NRXN1: variants seen among roughly 807,000 people sequenced by gnomAD.
The protein encoded by NRXN1 is neurexin 1.
Under a neutral mutation model 150.9 loss-of-function variants are expected in NRXN1, and 39 were observed. That is an observed-to-expected ratio of 0.26 (90% CI 0.20 to 0.34). The LOEUF (loss-of-function observed/expected upper bound fraction) is 0.34. NRXN1 is among the 10% of genes least tolerant of loss of function. The probability of loss-of-function intolerance (pLI) is 1.00; values close to 1 mark genes in which losing one functional copy is unlikely to be tolerated. For missense variants in NRXN1, 1,815 were observed against 1,949.9 expected (o/e 0.93, Z 1.30); for synonymous variants, 924 against 757.0 (o/e 1.22, Z -3.62).
intron 18 of NRXN1, among the ~76,000 whole-genome samples, chr2:50,119,303 C>T (rs912978092): frequency 9.9e-5 from 15 of 151,960 alleles, no homozygotes; most frequent in African/African-American, 3.4e-4. Flanking sequence ...AATTTATTCA[C>T]TTTCTTATGG....
chr2:50,771,766 G>A (rs565457730), intron 5 of NRXN1, among the ~76,000 whole-genome samples: 18 of 152,216 alleles, frequency 1.2e-4, no homozygotes, highest in African/African-American at 3.9e-4. Flanking sequence ...GAAATAGATA[G>A]CATTTGTGAT....
chr2:50,724,752 G>T (rs1184890819), intron 5 of NRXN1, among the ~76,000 whole-genome samples: 1 of 152,066 alleles, frequency 6.6e-6, no homozygotes, highest in African/African-American at 2.4e-5. Context: ...AAGAAAAAAA[G>T]AATACATATG....
intron 2 of NRXN1, among the ~76,000 whole-genome samples, chr2:51,021,521 C>T: frequency 6.6e-6 from 1 of 151,036 alleles, no homozygotes; most frequent in Non-Finnish European, 1.5e-5. Context: ...TTAATGATAT[C>T]CAAAACTGAA....
intron 12 of NRXN1, among the ~76,000 whole-genome samples, chr2:50,511,796 A>G (rs1412189735): frequency 6.6e-6 from 1 of 152,060 alleles, no homozygotes; most frequent in South Asian, 2.1e-4. Flanking sequence ...AGAGAGAGAG[A>G]CACACACTCA....
chr2:49,978,136 T>G (rs772988786), intron 21 of NRXN1, among the ~76,000 whole-genome samples: 2 of 152,118 alleles, frequency 1.3e-5, no homozygotes, highest in African/African-American at 2.4e-5. Context: ...CACTCCAGCC[T>G]GGTGACAGAG....
chr2:50,338,581 A>G (rs1439734194), intron 17 of NRXN1, among the ~76,000 whole-genome samples: 1 of 152,180 alleles, frequency 6.6e-6, no homozygotes, highest in African/African-American at 2.4e-5. Context: ...ATATAGATGC[A>G]TAGATAGGAA....
intron 5 of NRXN1, chr2:50,829,817 T>C: frequency 7.1e-7 from 1 of 1,408,840 alleles, no homozygotes; most frequent in Non-Finnish European, 9.6e-7. Context: ...TTTGGTAACA[T>C]AATATATAAC....
At chr2:50,119,269 TAAGAA>T (rs1703510257) in intron 18 of NRXN1, among the ~76,000 whole-genome samples, 1 of 152,176 alleles carries the variant, frequency 6.6e-6, no homozygotes, top group African/African-American at 2.4e-5. Flanking sequence ...AAAATAATTT[TAAGAA>T]AAGAATGTAA....
At chr2:49,939,644 A>T (rs975401084) in intron 22 of NRXN1, among the ~76,000 whole-genome samples, 3 of 152,164 alleles carry the variant, frequency 2.0e-5, no homozygotes, top group African/African-American at 7.2e-5. Context: ...TCAGTTGCCC[A>T]CCAATTTTCA....
At chr2:50,453,650 G>A (rs1458826487) in intron 17 of NRXN1, among the ~76,000 whole-genome samples, 2 of 151,884 alleles carry the variant, frequency 1.3e-5, no homozygotes, top group Non-Finnish European at 1.5e-5. Context: ...TAATTAATAC[G>A]GAAAGAAAAA....
intron 17 of NRXN1, among the ~76,000 whole-genome samples, chr2:50,252,497 G>A (rs2067222807): frequency 6.6e-6 from 1 of 151,956 alleles, no homozygotes; most frequent in Non-Finnish European, 1.5e-5. Flanking sequence ...GACCTCAGGT[G>A]ATCCACCCAC....
intron 17 of NRXN1, among the ~76,000 whole-genome samples, chr2:50,375,116 G>A (rs1437901259): frequency 6.6e-6 from 1 of 152,004 alleles, no homozygotes; most frequent in East Asian, 1.9e-4. Flanking sequence ...ATATACACTT[G>A]CATTCATGAT....
intron 5 of NRXN1, among the ~76,000 whole-genome samples, chr2:50,704,917 G>T (rs1248458556): frequency 2.0e-5 from 3 of 151,806 alleles, no homozygotes; most frequent in Non-Finnish European, 4.4e-5. Flanking sequence ...AGTTAAATAA[G>T]GCAGGAATTA....
rs569297111 is a variant in NRXN1 at position 50,053,443 on chromosome 2, G to A, written c.3956C>T (p.Ala1319Val). ...AACCAGTCTCACATTTCCCACTATGGCGATGTTGGCATCGTTTTCGGCTGC... is the reference window on the plus strand; with the variant it reads ...AACCAGTCTCACATTTCCCACTATGACGATGTTGGCATCGTTTTCGGCTGC... ...NMAAENDANI[A>V]IVGNVRLVGE... The change falls in exon 21 of 23, where the codon GCC becomes GTC. Residue 1319 changes from alanine to valine, a missense_variant. Ala to Val is a moderately conservative substitution (Grantham distance 64, BLOSUM62 0). Transcript: ENST00000401669. 6.2e-7 allele frequency: 1 copy of A among 1,613,988 alleles called. No individual in the cohort carries two copies. The highest frequency in any genetic ancestry group is 1.3e-5 in the African/African-American group (1 of 75,006).
chr2:50,346,875 G>A lies in NRXN1; in HGVS notation c.3365-109905C>T. 5.4e-6 allele frequency: 7 copies of A among 1,290,288 alleles called. No individual in the cohort carries two copies. Among genetic ancestry groups the A allele is most frequent in the Non-Finnish European group, 4.9e-6 (5 of 1,024,548 alleles). 79.9% of individuals were successfully genotyped at this position (1,290,288 alleles called of 1,614,324 possible). On this transcript the variant is annotated intron_variant, in intron 17 of 22. Coordinates refer to ENST00000401669, the MANE Select transcript of NRXN1 (RefSeq NM_001330078.2). This position sits in a 1 kb window ranked among gnomAD's most constrained non-coding sequence, Gnocchi z 5.0. Reference sequence around the variant, plus strand: ...GCAGGGCCAGGCGCCCCCCTGCGCCGCCGCCGCCGCCGCCGCCGCCGCCGC... The same window carrying A: ...GCAGGGCCAGGCGCCCCCCTGCGCCACCGCCGCCGCCGCCGCCGCCGCCGC...
intron 2 of NRXN1, among the ~76,000 whole-genome samples, chr2:50,962,538 GTTT>G (rs1693373129): frequency 6.6e-6 from 1 of 151,314 alleles, no homozygotes; most frequent in Non-Finnish European, 1.5e-5. Context: ...TTGTTTGTTT[GTTT>G]GTTTGTTTAA....
intron 17 of NRXN1, among the ~76,000 whole-genome samples, chr2:50,391,195 T>C (rs76767544): frequency 0.02 from 2,915 of 147,510 alleles, 37 homozygotes; most frequent in Middle Eastern, 0.097. Flanking sequence ...GTTAGAGAGT[T>C]TCACAAGTTT....
At chr2:50,506,081 G>A (rs2092206760) in intron 13 of NRXN1, among the ~76,000 whole-genome samples, 1 of 152,112 alleles carries the variant, frequency 6.6e-6, no homozygotes, top group African/African-American at 2.4e-5. Flanking sequence ...AAGCCAGATA[G>A]ATAAACGCCA....
At chr2:50,043,186 T>C (rs549755365) in intron 21 of NRXN1, among the ~76,000 whole-genome samples, 4 of 152,248 alleles carry the variant, frequency 2.6e-5, no homozygotes, top group Admixed American at 6.5e-5. Flanking sequence ...TTATATAAGA[T>C]AATTGACAAA....
Sources: allele counts gnomAD v4.1 joint callset (sites outside exome capture counted in the v4.1 genomes callset), GRCh38; gene constraint gnomAD v4.1.1; non-coding constraint Gnocchi (gnomAD v3.1); transcripts MANE v1.5; gene names NCBI Gene and HGNC (gene_info 2026-07-23, HGNC 2026-07-21).